NOL10: variants seen among roughly 807,000 people sequenced by gnomAD.
NOL10 encodes the protein nucleolar protein 10, also known as H_NH0074G24.1.
NOL10 carries 58 observed loss-of-function variants against 103.5 expected under a neutral mutation model. The ratio of observed to expected loss-of-function variants is 0.56; its 90% CI spans 0.45 to 0.70. The LOEUF (loss-of-function observed/expected upper bound fraction) is 0.70. NOL10 is among the 30% of genes least tolerant of loss of function. The probability of loss-of-function intolerance (pLI) is 0.00; values close to 1 mark genes in which losing one functional copy is unlikely to be tolerated. For synonymous variants in NOL10, 287 were observed against 282.5 expected (o/e 1.02, Z -0.16); for missense variants, 763 against 807.3 (o/e 0.95, Z 0.67).
At position 10,667,107 on chromosome 2, in the gene NOL10, A is replaced by G. The variant is rs1680616705; in HGVS notation, c.591+111T>C. 6.9e-6 allele frequency: 5 copies of G among 724,170 alleles called. No individual in the cohort carries two copies. The East Asian group carries it at 1.4e-4, about 20-fold the overall frequency. The allele number at this position is 724,170 out of a possible 1,614,324, so 44.9% of individuals were successfully genotyped here. A position where few individuals can be genotyped will look rare whatever the true frequency, so the allele number is the denominator to read the frequency against. ...TGTTACTCTACAGGATGTTCAAGCT[A>G]TCACCTCATTATCATCCTGCTCTAA... On this transcript the variant is annotated intron_variant, in intron 8 of 20. Coordinates refer to ENST00000381685, the MANE Select transcript of NOL10 (RefSeq NM_024894.4).
At chr2:10,592,279 C>T (rs1282975143) in intron 17 of NOL10, among the ~76,000 whole-genome samples, 4 of 152,188 alleles carry the variant, frequency 2.6e-5, no homozygotes, top group Admixed American at 2.6e-4. Context: ...TTAGAAACTT[C>T]TCTCAAACAT....
At chr2:10,661,162 G>A (rs1352909370) in intron 9 of NOL10, among the ~76,000 whole-genome samples, 1 of 152,104 alleles carries the variant, frequency 6.6e-6, no homozygotes, top group Non-Finnish European at 1.5e-5. Flanking sequence ...TGCAACCTCC[G>A]CCTCCTGGGT....
intron 12 of NOL10, among the ~76,000 whole-genome samples, chr2:10,647,272 T>C (rs1048254735): frequency 7.2e-5 from 11 of 152,214 alleles, no homozygotes; most frequent in Admixed American, 5.9e-4. Flanking sequence ...CTCATCTGCA[T>C]GTGCTCTGGG....
chr2:10,650,169 A>AT (rs532384777), intron 12 of NOL10, among the ~76,000 whole-genome samples: 122 of 148,848 alleles, frequency 8.2e-4, no homozygotes, highest in Middle Eastern at 3.4e-3. Flanking sequence ...TAGCAAGATA[A>AT]TTTTTTTTTT....
At chr2:10,644,239 C>A (rs1372322549) in intron 13 of NOL10, 81 bp downstream of exon 13, 10 of 1,072,442 alleles carry the variant, frequency 9.3e-6, no homozygotes, top group Non-Finnish European at 1.3e-5. Context: ...TCGCCAGACT[C>A]CGTCTCAAAA....
At chr2:10,686,417 G>A (rs1416294003) in intron 1 of NOL10, among the ~76,000 whole-genome samples, 1 of 152,276 alleles carries the variant, frequency 6.6e-6, no homozygotes, top group African/African-American at 2.4e-5. Context: ...TGACCGCTGA[G>A]CTCAGAGAGG....
intron 13 of NOL10, among the ~76,000 whole-genome samples, chr2:10,622,820 C>T (rs1039269419): frequency 2.6e-5 from 4 of 152,092 alleles, no homozygotes; most frequent in Non-Finnish European, 5.9e-5. Flanking sequence ...AAAACTCCCT[C>T]CCAGGAAGCA....
chr2:10,584,444 C>T (rs574892251), intron 19 of NOL10, among the ~76,000 whole-genome samples: 2 of 152,278 alleles, frequency 1.3e-5, no homozygotes, highest in East Asian at 3.9e-4. Flanking sequence ...ATGACCACAC[C>T]AAGCAACGCA....
At chr2:10,609,637 T>C (rs1676451122) in intron 13 of NOL10, among the ~76,000 whole-genome samples, 1 of 151,872 alleles carries the variant, frequency 6.6e-6, no homozygotes, top group African/African-American at 2.4e-5. Context: ...AAGGAGCACA[T>C]GAGCAAGCTA....
chr2:10,637,462 G>A (rs1055366314), intron 13 of NOL10, among the ~76,000 whole-genome samples: 1 of 152,158 alleles, frequency 6.6e-6, no homozygotes, highest in Non-Finnish European at 1.5e-5. Flanking sequence ...CTTTACAGGT[G>A]CAGGAGCACA....
Position 10,676,482 on chromosome 2 carries a change from G to A in NOL10, c.212-611C>T, listed in dbSNP as rs147132886. Among the ~76,000 whole-genome samples, 645 of 152,278 alleles carry A rather than the reference G, an allele frequency of 4.2e-3. 9 individuals are homozygous for A. Among genetic ancestry groups the A allele is most frequent in the African/African-American group, 0.014 (593 of 41,542 alleles). On this transcript the variant is annotated intron_variant, in intron 3 of 20. Coordinates refer to ENST00000381685, the MANE Select transcript of NOL10 (RefSeq NM_024894.4). ...GGGAATATTACATAGCCCATAAAGTGGATGAGGCAGACCTCAGTAGTAACC... is the reference window on the plus strand; with the variant it reads ...GGGAATATTACATAGCCCATAAAGTAGATGAGGCAGACCTCAGTAGTAACC...
chr2:10,605,489 G>A (rs561645165), intron 14 of NOL10, among the ~76,000 whole-genome samples: 1 of 152,138 alleles, frequency 6.6e-6, no homozygotes, highest in Non-Finnish European at 1.5e-5. Context: ...TACATAAAAT[G>A]CTTTCTAGTA....
At chr2:10,627,930 A>C (rs575084749) in intron 13 of NOL10, among the ~76,000 whole-genome samples, 21 of 152,302 alleles carry the variant, frequency 1.4e-4, no homozygotes, top group African/African-American at 4.6e-4. Context: ...TAAAAAATTA[A>C]AAATATACAT....
intron 13 of NOL10, among the ~76,000 whole-genome samples, chr2:10,621,089 T>C (rs1249972811): frequency 6.6e-6 from 1 of 152,162 alleles, no homozygotes; most frequent in Non-Finnish European, 1.5e-5. Flanking sequence ...TCACTGTGCC[T>C]GGCCGCTGCT....
intron 13 of NOL10, among the ~76,000 whole-genome samples, chr2:10,614,368 G>A (rs780596785): frequency 2.6e-5 from 4 of 152,178 alleles, no homozygotes; most frequent in Non-Finnish European, 5.9e-5. Context: ...CTGGAGTGCA[G>A]TGGTATGACC....
At chr2:10,614,249 A>C (rs6712304) in intron 13 of NOL10, among the ~76,000 whole-genome samples, 89,829 of 151,872 alleles carry the variant, frequency 0.59, 27,573 homozygotes, top group African/African-American at 0.74. Context: ...CATGAGCCAG[A>C]GTGCCCAGCC....
rs148575735 is a variant in NOL10 at position 10,640,277 on chromosome 2, C to A, written c.1026+4043G>T. Among the ~76,000 whole-genome samples the A allele has an allele frequency of 2.9e-3, 441 of 152,264 alleles. 2 individuals carry two copies. The highest frequency in any genetic ancestry group is 9.4e-3 in the African/African-American group (391 of 41,548). ...TTATGAAAAATGGCAGGCTTTCAGA[C>A]CCCTGGGCTCTCCCTTTGCTTTGAA... On this transcript the variant is annotated intron_variant, in intron 13 of 20. Transcript: ENST00000381685.
intron 2 of NOL10, 57 bp from the exon 3 acceptor site, chr2:10,682,126 A>T: frequency 2.4e-5 from 17 of 712,614 alleles, no homozygotes; most frequent in Non-Finnish European, 3.4e-5. Context: ...TCTCTATCAT[A>T]AGAAGACAAA....
chr2:10,576,652 C>T (rs1235308787), intron 20 of NOL10, among the ~76,000 whole-genome samples: 3 of 152,126 alleles, frequency 2.0e-5, no homozygotes, highest in Admixed American at 2.0e-4. Flanking sequence ...TATGAAATGC[C>T]CGGAACAGGC....
Sources: gnomAD v4.1 joint callset for allele counts (sites outside exome capture counted in the v4.1 genomes callset) on GRCh38, gnomAD v4.1.1 for gene constraint, MANE v1.5 for transcripts, NCBI Gene and HGNC (gene_info 2026-07-23, HGNC 2026-07-21) for gene names.